The following RPTOR variants were observed in gnomAD, a reference collection of about 807,000 sequenced individuals.
RPTOR encodes regulatory-associated protein of mTOR.
A neutral mutation model predicts 169.9 loss-of-function variants in RPTOR; 21 were observed. The ratio of observed to expected loss-of-function variants is 0.12; its 90% CI spans 0.09 to 0.18. RPTOR has a LOEUF of 0.18. Among genes scored for constraint, RPTOR ranks in the 10% least tolerant of loss-of-function variants. The probability of loss-of-function intolerance (pLI) is 1.00; values close to 1 mark genes in which losing one functional copy is unlikely to be tolerated. For missense variants in RPTOR, 1,133 were observed against 1,855.9 expected, an observed-to-expected ratio of 0.61 and a Z score of 7.16; for synonymous variants, 732 against 753.2, an observed-to-expected ratio of 0.97 and a Z score of 0.46.
chr17:80,825,481 G>A (rs541067129), intron 9 of RPTOR, among the ~76,000 whole-genome samples: 109 of 152,328 alleles, frequency 7.2e-4, no homozygotes, highest in East Asian at 6.6e-3. Context: ...GAAGGTCCTT[G>A]TCTAGGCCTA....
chr17:80,952,718 G>A (rs1375778154), intron 28 of RPTOR, among the ~76,000 whole-genome samples: 2 of 152,008 alleles, frequency 1.3e-5, no homozygotes, highest in Non-Finnish European at 1.5e-5. Context: ...TGTTCTTCCC[G>A]ACCCAAGGTG....
chr17:80,793,960 C>T (rs1053383792), intron 7 of RPTOR, among the ~76,000 whole-genome samples: 5 of 152,286 alleles, frequency 3.3e-5, no homozygotes, highest in Admixed American at 6.5e-5. Context: ...GCCCAACACA[C>T]GGAGGTTTTC....
intron 17 of RPTOR, among the ~76,000 whole-genome samples, chr17:80,890,715 C>G (rs1490303876): frequency 6.6e-6 from 1 of 152,168 alleles, no homozygotes; most frequent in Non-Finnish European, 1.5e-5. Flanking sequence ...GGACAGCCAG[C>G]CTGGACCTAG....
At chr17:80,766,589 T>C (rs1171855058) in intron 6 of RPTOR, among the ~76,000 whole-genome samples, 2 of 152,214 alleles carry the variant, frequency 1.3e-5, no homozygotes, top group Admixed American at 1.3e-4. Flanking sequence ...ACCTGTTTAG[T>C]TGGCAGTTCT....
At chr17:80,795,355 C>G (rs542395040) in intron 7 of RPTOR, among the ~76,000 whole-genome samples, 2 of 152,312 alleles carry the variant, frequency 1.3e-5, no homozygotes, top group African/African-American at 4.8e-5. Flanking sequence ...TTTCATCAGA[C>G]GCCCTTTCCC....
intron 3 of RPTOR, among the ~76,000 whole-genome samples, chr17:80,684,736 C>T (rs558136851): frequency 3.9e-5 from 6 of 152,244 alleles, no homozygotes; most frequent in African/African-American, 7.2e-5. Context: ...TGAGCCACTG[C>T]GCCCAGCCAT....
rs758794401 is a variant in RPTOR, at chr17:80,957,714, G to A, written c.3461G>A (p.Arg1154His). The A allele has an allele frequency of 5.0e-6, 8 of 1,613,910 alleles. No homozygotes were observed. The highest frequency in any genetic ancestry group is 2.2e-5 in the East Asian group (1 of 44,892). ...ATCGTCCGGATCTGGGACACAGACC[G>A]TGAGATGAAGGTGCAGGTAACCATG... ...VRIVRIWDTDREMKVQDIPTG... is the reference protein window; with the variant it reads ...VRIVRIWDTDHEMKVQDIPTG... The change falls in exon 29 of 34, where the codon CGT (arginine) becomes CAT (histidine). Residue 1154 changes from arginine (R) to histidine (H), a missense_variant. Around this residue, in one of 9 missense-constraint regions of RPTOR, gnomAD observed 410 missense variants for 623.7 expected, o/e 0.66. Transcript: ENST00000306801. This position sits in a 1 kb window ranked among gnomAD's most constrained non-coding sequence, Gnocchi z 4.6.
rs142925144 is a variant in RPTOR, at chr17:80,820,988, G to C, written c.891-1213G>C. Among the ~76,000 whole-genome samples the C allele has an allele frequency of 3.6e-4, 55 of 152,356 alleles. 1 individual carries two copies. Among genetic ancestry groups the C allele is most frequent in the African/African-American group, 1.3e-3 (54 of 41,578 alleles). ...GACTTCCGGCATTGTTTGAGCAGCA[G>C]TGCTGCTTTAGAATATTATACTAAC... On this transcript the variant is annotated intron_variant, in intron 7 of 33. Coordinates refer to ENST00000306801, the MANE Select transcript of RPTOR (RefSeq NM_020761.3). The surrounding 1 kb of genome is among the most constrained non-coding windows in gnomAD (Gnocchi z 4.1).
intron 7 of RPTOR, among the ~76,000 whole-genome samples, chr17:80,805,859 A>G (rs1175210671): frequency 6.6e-6 from 1 of 152,162 alleles, no homozygotes; most frequent in Non-Finnish European, 1.5e-5. Context: ...TTGTCGTTCT[A>G]TAGTAAGTCA....
chr17:80,876,704 C>T (rs2068119817), intron 13 of RPTOR, among the ~76,000 whole-genome samples: 1 of 119,636 alleles, frequency 8.4e-6, no homozygotes, highest in East Asian at 2.9e-4. Flanking sequence ...AGCCCCTCCA[C>T]CCAGGATGTG....
rs201221304 is a variant in RPTOR at position 80,656,308 on chromosome 17, GCCA to G, written c.348+12501_348+12503del. On this transcript the variant is annotated intron_variant, in intron 3 of 33. Coordinates refer to ENST00000306801, the MANE Select transcript of RPTOR (RefSeq NM_020761.3). The stretch of plus-strand genomic sequence containing the variant: ...CTGGTCTCAAACTCCTTGTAGGTGA[GCCA>G]CCCGCCTTGGCCTCCCAAAGTGCTG... 7.0e-3 allele frequency among the ~76,000 whole-genome samples: 1,067 copies of G among 152,226 alleles called. 16 individuals are homozygous for G. Among genetic ancestry groups the G allele is most frequent in the African/African-American group, 0.024 (1,007 of 41,542 alleles).
At chr17:80,810,034 C>T (rs1490499558) in intron 7 of RPTOR, among the ~76,000 whole-genome samples, 1 of 150,046 alleles carries the variant, frequency 6.7e-6, no homozygotes, top group East Asian at 2.0e-4. Context: ...GACAACAGAG[C>T]GAGACTCCAT....
At chr17:80,879,358 C>T (rs1448454905) in intron 13 of RPTOR, among the ~76,000 whole-genome samples, 1 of 150,378 alleles carries the variant, frequency 6.6e-6, no homozygotes, top group Non-Finnish European at 1.5e-5. Context: ...CCTGCCCCCG[C>T]CTGCCCTGCT....
At chr17:80,837,145 C>A (rs2067572791) in intron 9 of RPTOR, among the ~76,000 whole-genome samples, 1 of 152,002 alleles carries the variant, frequency 6.6e-6, no homozygotes, top group Admixed American at 6.5e-5. Context: ...GGGGAGAACT[C>A]AAGAGGGACA....
chr17:80,563,643 G>T (rs907454483), intron 1 of RPTOR, among the ~76,000 whole-genome samples: 3 of 149,986 alleles, frequency 2.0e-5, no homozygotes, highest in African/African-American at 7.4e-5. Context: ...TTGAAATCAA[G>T]ATATTTGTTT....
chr17:80,958,405 C>CTTTTTTTTTTTTT (rs34955105), intron 29 of RPTOR, among the ~76,000 whole-genome samples: 2 of 83,666 alleles, frequency 2.4e-5, no homozygotes, highest in Admixed American at 1.5e-4. Context: ...ATTTTTGTTT[C>CTTTTTTTTTTTTT]TTTTTTTTTT....
rs1314855476 is a variant in RPTOR, at chr17:80,695,747, C to T, written c.349-12094C>T. ...GGTCACCTCTTTTATTTCTGAAAAA[C>T]AAGTCGCTTGAGGCCCATCTTTACA... is the stretch of plus-strand genomic sequence containing the variant. On this transcript the variant is annotated intron_variant, in intron 3 of 33. Transcript: ENST00000306801. The surrounding 1 kb of genome is among the most constrained non-coding windows in gnomAD (Gnocchi z 4.9). Among the ~76,000 whole-genome samples, 1 of 152,160 alleles carries T rather than the reference C, an allele frequency of 6.6e-6. No individual in the cohort carries two copies. The highest frequency in any genetic ancestry group is 1.5e-5 in the Non-Finnish European group (1 of 68,042).
chr17:80,818,108 G>A (rs2067342761), intron 7 of RPTOR, among the ~76,000 whole-genome samples: 1 of 152,220 alleles, frequency 6.6e-6, no homozygotes, highest in Non-Finnish European at 1.5e-5. Context: ...TGCCACATCT[G>A]TTGTTGGAGT....
chr17:80,739,669 CTG>C (rs1199469894), intron 5 of RPTOR, among the ~76,000 whole-genome samples: 3 of 151,796 alleles, frequency 2.0e-5, no homozygotes, highest in African/African-American at 7.3e-5. Context: ...CGAGAAAAAA[CTG>C]TGAAAAAAAT....
Sources: allele counts gnomAD v4.1 joint callset (sites outside exome capture counted in the v4.1 genomes callset), GRCh38; gene constraint gnomAD v4.1.1; regional missense constraint gnomAD v4.1.1; non-coding constraint Gnocchi (gnomAD v3.1); transcripts MANE v1.5; gene names NCBI Gene and HGNC (gene_info 2026-07-23, HGNC 2026-07-21).